Variants in AKAP9 observed in about 807,000 individuals in gnomAD.
AKAP9 encodes the protein A-kinase anchoring protein 9.
A neutral mutation model predicts 488.5 loss-of-function variants in AKAP9; 311 were observed. That is an observed-to-expected ratio of 0.64 (90% confidence interval 0.58 to 0.70). The LOEUF (loss-of-function observed/expected upper bound fraction) is 0.70, where lower values mean the gene tolerates loss of function less well. Ranked by LOEUF, AKAP9 falls within the 30% of genes least tolerant of loss-of-function variation. The pLI, the probability that AKAP9 is intolerant of heterozygous loss-of-function variation, is 0.00. For synonymous variants in AKAP9, 1,462 were observed against 1,483.5 expected, an observed-to-expected ratio of 0.99 and a Z score of 0.33; for missense variants, 4,215 against 4,374.5, an observed-to-expected ratio of 0.96 and a Z score of 1.03.
In AKAP9 at chr7:92,097,298, G is replaced by C. The variant is rs777417114; in HGVS notation, c.10339G>C (p.Glu3447Gln). The change falls in exon 41 of 50, where the codon GAA becomes CAA. Residue 3447 changes from glutamate to glutamine, a missense_variant. Physicochemically the swap from Glu to Gln is conservative, Grantham distance 29 (BLOSUM62 2). Around this residue, in one of 5 missense-constraint regions of AKAP9, gnomAD observed 1,476 missense variants for 1,477.4 expected, o/e 1.00. Coordinates refer to ENST00000356239, the MANE Select transcript of AKAP9 (RefSeq NM_005751.5). ...AATCATGCAGGAATTCCAGAAGCAA[G>C]AACTAGAACGAGAAGAAAAACGAGA... ...QGIMQEFQKQ[E>Q]LEREEKRESR... 6.2e-7 allele frequency: 1 copy of C among 1,613,848 alleles called. No individual in the cohort carries two copies. Among genetic ancestry groups the C allele is most frequent in the Admixed American group, 1.7e-5 (1 of 60,028 alleles).
rs147841245 is a variant in AKAP9 at position 92,077,826 on chromosome 7, A to G, written c.6896A>G (p.Glu2299Gly). ...EKEVEIDQLN[E>G]QVTKLQQQLK... The stretch of plus-strand genomic sequence containing the variant: ...GAGGTAGAAATTGACCAATTAAATG[A>G]ACAAGTTACGAAACTCCAGCAGCAA... Residue 2299 changes from glutamate to glycine, a missense_variant, in exon 30 of 50, where the codon GAA (glutamate) becomes GGA (glycine). By Grantham distance (98) the Glu-to-Gly change is moderately conservative. Coordinates refer to ENST00000356239, the MANE Select transcript of AKAP9 (RefSeq NM_005751.5). The G allele has an allele frequency of 1.8e-4, 295 of 1,613,670 alleles. No individual in the cohort carries two copies. The highest frequency in any genetic ancestry group is 2.4e-4 in the Non-Finnish European group (284 of 1,179,892).
At chr7:91,980,884 A>C (rs2130591455) in intron 3 of AKAP9, among the ~76,000 whole-genome samples, 1 of 151,998 alleles carries the variant, frequency 6.6e-6, no homozygotes, top group Non-Finnish European at 1.5e-5. Context: ...TGTGATTGTC[A>C]TTTCTTTACT....
At chr7:92,054,416 G>A (rs1268401597) in intron 22 of AKAP9, among the ~76,000 whole-genome samples, 2 of 151,496 alleles carry the variant, frequency 1.3e-5, no homozygotes, top group South Asian at 2.1e-4. Context: ...ATATCTTTGC[G>A]TTTTCAGTGA....
chr7:92,082,581 T>C lies in AKAP9; in HGVS notation c.8079T>C (p.Ala2693=), dbSNP rs371316172. The change falls in exon 32 of 50, where the codon GCT becomes GCC. Residue 2693 remains alanine, a synonymous_variant. Transcript: ENST00000356239. ...EESGFFNELE[A]LRAESVATKA... The stretch of plus-strand genomic sequence containing the variant: ...GTGGATTTTTTAATGAACTCGAGGC[T>C]CTTAGAGCTGAATCAGTGGCTACCA... The C allele has an allele frequency of 1.7e-5, 27 of 1,613,834 alleles. No homozygotes were observed. The highest frequency in any genetic ancestry group is 3.4e-6 in the Non-Finnish European group (4 of 1,179,944).
intron 1 of AKAP9, among the ~76,000 whole-genome samples, chr7:91,966,082 A>G (rs1196278639): frequency 2.0e-5 from 3 of 152,118 alleles, no homozygotes; most frequent in Admixed American, 1.3e-4. Context: ...AGATAGATCT[A>G]TGTCTCACTA....
In AKAP9 at chr7:92,001,540, G is replaced by A. The variant is rs746045284; in HGVS notation, c.1623G>A (p.Arg541=). The A allele has an allele frequency of 5.6e-6, 9 of 1,613,854 alleles. No individual in the cohort carries two copies. The highest frequency in any genetic ancestry group is 1.3e-5 in the African/African-American group (1 of 75,028). The part of the protein sequence containing the change: ...EDLVEELSFS[R]EQIQRARQTI... ...TTGTTGAAGAATTGAGCTTTTCAAG[G>A]GAACAGATTCAGAGAGCTAGACAGA... is the stretch of plus-strand genomic sequence containing the variant. The change falls in exon 8 of 50, where the codon AGG becomes AGA. Residue 541 remains arginine, a synonymous_variant. Coordinates refer to ENST00000356239, the MANE Select transcript of AKAP9 (RefSeq NM_005751.5).
chr7:92,093,548 T>C (rs1816015800), intron 39 of AKAP9, among the ~76,000 whole-genome samples: 1 of 152,212 alleles, frequency 6.6e-6, no homozygotes. Context: ...GAGACTTGTA[T>C]GAAATAGAAT....
At position 92,079,458 on chromosome 7, in the gene AKAP9, A is replaced by G; in HGVS notation, c.7325A>G (p.Lys2442Arg). Residue 2442 changes from lysine to arginine, a missense_variant, in exon 31 of 50, where the codon AAG (lysine) becomes AGG (arginine). Transcript: ENST00000356239. ...SLKRERESVE[K>R]IQSIPENSVN... ...AAGAGAGAACGTGAAAGTGTGGAAA[A>G]GATTCAAAGCATACCAGAGAATAGT... 1 of 1,614,090 alleles carries G rather than the reference A, an allele frequency of 6.2e-7. No individual in the cohort carries two copies. Among genetic ancestry groups the G allele is most frequent in the East Asian group, 2.2e-5 (1 of 44,862 alleles).
At chr7:92,048,191 AAAATT>A (rs1807330429) in intron 21 of AKAP9, among the ~76,000 whole-genome samples, 1 of 152,210 alleles carries the variant, frequency 6.6e-6, no homozygotes. Flanking sequence ...GTATAACAAA[AAAATT>A]AAACCAGTCT....
intron 8 of AKAP9, among the ~76,000 whole-genome samples, chr7:92,006,876 A>G (rs576461643): frequency 4.6e-5 from 7 of 152,334 alleles, no homozygotes; most frequent in African/African-American, 1.7e-4. Flanking sequence ...GAAGATGATT[A>G]TTAGAATCAA....
chr7:91,995,451 T>G (rs984550480), intron 6 of AKAP9, 152 bp from the exon 7 acceptor site: 13 of 646,284 alleles, frequency 2.0e-5, no homozygotes, highest in Admixed American at 2.8e-5. Context: ...TCGGCTTGGG[T>G]ATACCTATCT....
chr7:92,059,188 T>C (rs1275416189), intron 22 of AKAP9, among the ~76,000 whole-genome samples: 2 of 151,960 alleles, frequency 1.3e-5, no homozygotes, highest in African/African-American at 2.4e-5. Context: ...ACTGATACTT[T>C]ACATGTACTT....
chr7:92,080,077 G>T lies in AKAP9; in HGVS notation c.7944G>T (p.Lys2648Asn). 6.3e-7 allele frequency: 1 copy of T among 1,578,302 alleles called. No homozygotes were observed. Among genetic ancestry groups the T allele is most frequent in the Non-Finnish European group, 8.5e-7 (1 of 1,172,070 alleles). ...EKEKKLLELQKLLEGNEKKQR... is the reference protein window; with the variant it reads ...EKEKKLLELQNLLEGNEKKQR... ...AAAAGAAGCTGCTAGAACTACAGAA[G>T]CTATTGGAGGGCAATGAGAAAAAAC... Residue 2648 changes from lysine to asparagine, a missense_variant, in exon 31 of 50, where the codon AAG becomes AAT. By Grantham distance (94) the Lys-to-Asn change is moderately conservative (BLOSUM62 0). Transcript: ENST00000356239.
At chr7:91,955,058 C>T (rs553103788) in intron 1 of AKAP9, among the ~76,000 whole-genome samples, 2 of 152,156 alleles carry the variant, frequency 1.3e-5, no homozygotes, top group East Asian at 3.8e-4. Flanking sequence ...ATTTTAGAAT[C>T]CTTTATATAA....
intron 15 of AKAP9, among the ~76,000 whole-genome samples, chr7:92,031,294 C>T (rs1385238503): frequency 6.6e-6 from 1 of 152,082 alleles, no homozygotes; most frequent in Non-Finnish European, 1.5e-5. Context: ...ACATATTTCT[C>T]TTTGCATCTT....
intron 22 of AKAP9, among the ~76,000 whole-genome samples, chr7:92,055,047 A>G (rs1808553427): frequency 6.6e-6 from 1 of 152,066 alleles, no homozygotes; most frequent in Admixed American, 6.6e-5. Context: ...TCCAGAATCC[A>G]GAAGTATTAT....
intron 22 of AKAP9, among the ~76,000 whole-genome samples, chr7:92,056,626 G>A (rs546900403): frequency 1.0e-3 from 159 of 151,812 alleles, no homozygotes; most frequent in Non-Finnish European, 2.0e-3. Flanking sequence ...GCCTAGTCCA[G>A]ACTTGTAAGA....
chr7:91,988,467 T>C (rs1797373478), intron 3 of AKAP9, among the ~76,000 whole-genome samples: 1 of 152,082 alleles, frequency 6.6e-6, no homozygotes, highest in African/African-American at 2.4e-5. Context: ...TGAGACCTTG[T>C]CTCAAAAAGA....
chr7:91,996,916 A>G (rs911247357), intron 7 of AKAP9, among the ~76,000 whole-genome samples: 3 of 152,210 alleles, frequency 2.0e-5, no homozygotes, highest in Admixed American at 6.5e-5. Flanking sequence ...AATCATCACC[A>G]TAGGCCTGTG....
Sources: allele counts gnomAD v4.1 joint callset (sites outside exome capture counted in the v4.1 genomes callset), GRCh38; gene constraint gnomAD v4.1.1; regional missense constraint gnomAD v4.1.1; transcripts MANE v1.5; gene names NCBI Gene and HGNC (gene_info 2026-07-23, HGNC 2026-07-21).